EXD2: variants seen among roughly 807,000 people sequenced by gnomAD.
EXD2 encodes exonuclease 3'-5' domain-containing protein 2.
Under a neutral mutation model 62.5 loss-of-function variants are expected in EXD2, and 40 were observed. The observed-to-expected ratio is 0.64, with a 90% confidence interval of 0.50 to 0.83. EXD2 has a LOEUF of 0.83. Among genes scored for constraint, EXD2 ranks in the 40% least tolerant of loss-of-function variants. The pLI, the probability that EXD2 is intolerant of heterozygous loss-of-function variation, is 0.00. For missense variants in EXD2, 671 were observed against 761.8 expected, an observed-to-expected ratio of 0.88 and a Z score of 1.40; for synonymous variants, 239 against 291.9, an observed-to-expected ratio of 0.82 and a Z score of 1.85.
At chr14:69,231,259 T>A (rs2043567487) in intron 5 of EXD2, among the ~76,000 whole-genome samples, 1 of 152,162 alleles carries the variant, frequency 6.6e-6, no homozygotes, top group South Asian at 2.1e-4. Flanking sequence ...TCTTCCTTCT[T>A]CTCCTCAGAG....
intron 1 of EXD2, among the ~76,000 whole-genome samples, chr14:69,201,672 G>A (rs1051972523): frequency 3.4e-5 from 2 of 58,992 alleles, no homozygotes; most frequent in African/African-American, 1.4e-4. Context: ...TGTTTTCTCT[G>A]TTTTTTTTTT....
chr14:69,227,313 ATAGTGTGATAGCCC>A (rs1390735769), intron 3 of EXD2, among the ~76,000 whole-genome samples: 4 of 152,194 alleles, frequency 2.6e-5, no homozygotes, highest in Non-Finnish European at 1.5e-5. Flanking sequence ...AATTTAGGTG[ATAGTGTGATAGCCC>A]TAGCTTTGCC....
At chr14:69,219,055 G>C (rs781759952) in intron 3 of EXD2, among the ~76,000 whole-genome samples, 19 of 152,198 alleles carry the variant, frequency 1.2e-4, no homozygotes, top group Non-Finnish European at 1.2e-4. Context: ...AAAGTCATTG[G>C]TAGCTTGATA....
intron 3 of EXD2, chr14:69,213,899 G>A (rs1468410855): frequency 1.3e-5 from 1 of 74,544 alleles, no homozygotes; most frequent in African/African-American, 5.7e-5. Context: ...TCCTGACCTT[G>A]TATTTACCTT....
At chr14:69,210,042 TATC>T (rs2042756404) in intron 3 of EXD2, 1 of 345,906 alleles carries the variant, frequency 2.9e-6, no homozygotes, top group Non-Finnish European at 5.3e-6. Context: ...TTTCCCCACT[TATC>T]ATTCCGTGAA....
chr14:69,222,586 A>G (rs1474641056), intron 3 of EXD2, among the ~76,000 whole-genome samples: 1 of 152,188 alleles, frequency 6.6e-6, no homozygotes. Context: ...CCTGATATCT[A>G]AATATTGAAA....
chr14:69,207,418 C>T (rs2042639691), intron 2 of EXD2, among the ~76,000 whole-genome samples: 1 of 152,080 alleles, frequency 6.6e-6, no homozygotes, highest in Non-Finnish European at 1.5e-5. Context: ...CACTTGAACT[C>T]AGGAGGCGGA....
chr14:69,196,471 G>GTTTA (rs2042207632), intron 1 of EXD2, among the ~76,000 whole-genome samples: 1 of 152,046 alleles, frequency 6.6e-6, no homozygotes, highest in South Asian at 2.1e-4. Flanking sequence ...ACTTTAGTAC[G>GTTTA]GACATGTGTT....
chr14:69,234,717 G>A lies in EXD2; in HGVS notation c.735G>A (p.Arg245=). 6.2e-7 allele frequency: 1 copy of A among 1,612,362 alleles called. No homozygotes were observed. The highest frequency in any genetic ancestry group is 1.3e-5 in the African/African-American group (1 of 74,846). ...CTCTTCAGGTAATTTATGCTGCCAG[G>A]GATGCCCAGATTTCAGTGGCTCTCT... ...LTEDQVIYAA[R]DAQISVALFL... is the part of the protein sequence containing the mutation. The change falls in exon 6 of 10, where the codon AGG becomes AGA. Residue 245 remains arginine (R), a synonymous_variant. Transcript: ENST00000685843.
intron 9 of EXD2, chr14:69,239,216 T>C (rs1414342606): frequency 2.8e-4 from 42 of 152,220 alleles, no homozygotes; most frequent in Admixed American, 2.7e-3. Flanking sequence ...CAATGCAGTA[T>C]TCTGAAATGA....
intron 1 of EXD2, chr14:69,196,250 A>G (rs181584273): frequency 1.3e-5 from 2 of 152,242 alleles, no homozygotes; most frequent in African/African-American, 4.8e-5. Flanking sequence ...CTACTTCAGT[A>G]TGACCTCATG....
chr14:69,202,420 C>T (rs1343830928), intron 1 of EXD2, among the ~76,000 whole-genome samples: 3 of 152,282 alleles, frequency 2.0e-5, no homozygotes, highest in Middle Eastern at 3.4e-3. Flanking sequence ...ACTCTTTCCT[C>T]AAGTCCAAGC....
At chr14:69,232,731 TGTTTTAATTGG>T (rs774919278) in intron 5 of EXD2, among the ~76,000 whole-genome samples, 5 of 152,340 alleles carry the variant, frequency 3.3e-5, no homozygotes, top group Non-Finnish European at 7.4e-5. Flanking sequence ...CCTTTGCCCA[TGTTTTAATTGG>T]GTCATTTGTT....
At chr14:69,236,676 T>G in intron 8 of EXD2, 134 bp downstream of exon 8, 1 of 1,191,418 alleles carries the variant, frequency 8.4e-7, no homozygotes, top group South Asian at 1.4e-5. Flanking sequence ...GTATCCAGCT[T>G]CCCCAAGAGC....
chr14:69,213,559 T>TTTTTTTTTG (rs2042890473), intron 3 of EXD2, among the ~76,000 whole-genome samples: 1 of 140,946 alleles, frequency 7.1e-6, no homozygotes. Context: ...TTTTTTTTTG[T>TTTTTTTTTG]AGAAATGGGG....
chr14:69,228,028 A>C (rs2043421604), intron 3 of EXD2: 1 of 152,042 alleles, frequency 6.6e-6, no homozygotes, highest in Admixed American at 6.6e-5. Context: ...ACTTATTTAC[A>C]GTACTCTATC....
At chr14:69,221,490 T>C (rs8017744) in intron 3 of EXD2, among the ~76,000 whole-genome samples, 109,693 of 152,088 alleles carry the variant, frequency 0.72, 40,730 homozygotes, top group East Asian at 1. Flanking sequence ...ATAAACCAAG[T>C]GTAGTGGCTC....
intron 1 of EXD2, among the ~76,000 whole-genome samples, chr14:69,196,623 T>G (rs1181056449): frequency 6.1e-5 from 1 of 16,416 alleles, no homozygotes; most frequent in African/African-American, 6.2e-4. Context: ...TTGCCAGCAC[T>G]TTTTTTTTTT....
chr14:69,205,583 T>G (rs956035768), intron 2 of EXD2, among the ~76,000 whole-genome samples: 1 of 152,208 alleles, frequency 6.6e-6, no homozygotes. Flanking sequence ...TTTAAAGTCC[T>G]TTTCAGATCT....
Sources: allele counts gnomAD v4.1 joint callset (sites outside exome capture counted in the v4.1 genomes callset), GRCh38; gene constraint gnomAD v4.1.1; transcripts MANE v1.5; gene names NCBI Gene and HGNC (gene_info 2026-07-23, HGNC 2026-07-21).